The following DOK6 variants were observed in gnomAD, a reference collection of about 807,000 sequenced individuals.
The protein encoded by DOK6 is downstream of tyrosine kinase 6.
In DOK6, 22 loss-of-function variants were observed where a neutral mutation model predicts 44.0. The ratio of observed to expected loss-of-function variants is 0.50; its 90% CI spans 0.36 to 0.71. DOK6 has a LOEUF of 0.71. DOK6 is among the 30% of genes least tolerant of loss of function. The pLI is 0.00. For synonymous variants in DOK6, 166 were observed against 145.5 expected (o/e 1.14, Z -1.01); for missense variants, 340 against 416.4 (o/e 0.82, Z 1.60).
At chr18:69,708,299 T>G (rs910489944) in intron 5 of DOK6, among the ~76,000 whole-genome samples, 1 of 152,154 alleles carries the variant, frequency 6.6e-6, no homozygotes, top group Non-Finnish European at 1.5e-5. Flanking sequence ...GTCTGAGCAA[T>G]CGTGGTTTGA....
chr18:69,446,388 A>G (rs979585273), intron 1 of DOK6, among the ~76,000 whole-genome samples: 15 of 151,828 alleles, frequency 9.9e-5, no homozygotes, highest in Non-Finnish European at 2.9e-5. Flanking sequence ...ACATGAACTC[A>G]TCGTTTTTTA....
chr18:69,640,131 G>A (rs537959394), intron 3 of DOK6, among the ~76,000 whole-genome samples: 1 of 152,324 alleles, frequency 6.6e-6, no homozygotes, highest in Admixed American at 6.5e-5. Context: ...AAAGGCTTGC[G>A]ATGTCTCCAC....
At chr18:69,701,189 A>G (rs866139897) in intron 5 of DOK6, among the ~76,000 whole-genome samples, 2 of 152,248 alleles carry the variant, frequency 1.3e-5, no homozygotes, top group Non-Finnish European at 2.9e-5. Context: ...ATTATATGCC[A>G]TAAGTCTCAA....
chr18:69,656,048 C>T (rs908244550), intron 3 of DOK6, among the ~76,000 whole-genome samples: 1 of 151,664 alleles, frequency 6.6e-6, no homozygotes, highest in Non-Finnish European at 1.5e-5. Flanking sequence ...CAAGTAGACA[C>T]ATAATGGTTT....
chr18:69,666,879 G>C (rs1985672859), intron 3 of DOK6, among the ~76,000 whole-genome samples: 1 of 152,194 alleles, frequency 6.6e-6, no homozygotes, highest in African/African-American at 2.4e-5. Flanking sequence ...ACTCAAGGGA[G>C]CTTTCCTCTG....
chr18:69,542,283 G>A (rs1982290035), intron 1 of DOK6, among the ~76,000 whole-genome samples: 1 of 143,080 alleles, frequency 7.0e-6, no homozygotes, highest in African/African-American at 2.4e-5. Flanking sequence ...CTGCCTGACC[G>A]ACCCATTTTG....
intron 6 of DOK6, among the ~76,000 whole-genome samples, chr18:69,751,292 A>T (rs1375228889): frequency 6.6e-6 from 1 of 151,770 alleles, no homozygotes; most frequent in Non-Finnish European, 1.5e-5. Flanking sequence ...ATTAATGGTT[A>T]TGTTAATTAG....
At chr18:69,459,751 CAAAAG>C (rs1979736444) in intron 1 of DOK6, among the ~76,000 whole-genome samples, 1 of 152,040 alleles carries the variant, frequency 6.6e-6, no homozygotes, top group African/African-American at 2.4e-5. Flanking sequence ...GGGAAAAACT[CAAAAG>C]AAATGCGAAA....
At chr18:69,659,982 A>G (rs1336999686) in intron 3 of DOK6, 1 of 137,200 alleles carries the variant, frequency 7.3e-6, no homozygotes, top group African/African-American at 2.6e-5. Flanking sequence ...ATATGTATAT[A>G]AAGAAAATCA....
intron 7 of DOK6, among the ~76,000 whole-genome samples, chr18:69,824,291 C>T (rs530284153): frequency 4.9e-5 from 7 of 143,848 alleles, no homozygotes; most frequent in Non-Finnish European, 6.0e-5. Flanking sequence ...TGAGAACATG[C>T]GGTGTTTGGT....
At chr18:69,427,954 T>A (rs1978690122) in intron 1 of DOK6, among the ~76,000 whole-genome samples, 1 of 152,034 alleles carries the variant, frequency 6.6e-6, no homozygotes, top group Non-Finnish European at 1.5e-5. Flanking sequence ...ATTTTTGTAT[T>A]TTTAGTAAAG....
At chr18:69,435,082 G>GGAAGGAAGGAAA (rs1978937584) in intron 1 of DOK6, among the ~76,000 whole-genome samples, 1 of 143,678 alleles carries the variant, frequency 7.0e-6, no homozygotes, top group African/African-American at 2.6e-5. Flanking sequence ...AAGGAAGGAA[G>GGAAGGAAGGAAA]GAAGGAAGGA....
chr18:69,759,887 ATTAC>A (rs779532667), intron 7 of DOK6, among the ~76,000 whole-genome samples: 25 of 152,178 alleles, frequency 1.6e-4, no homozygotes, highest in Non-Finnish European at 3.1e-4. Flanking sequence ...GACTAAGGTA[ATTAC>A]TTAAGTCAAA....
intron 3 of DOK6, among the ~76,000 whole-genome samples, chr18:69,614,126 A>C (rs1208894125): frequency 6.6e-6 from 1 of 152,072 alleles, no homozygotes; most frequent in Non-Finnish European, 1.5e-5. Context: ...ATCATTTACT[A>C]AAGTAACACC....
chr18:69,577,568 A>G (rs948303170), intron 2 of DOK6, among the ~76,000 whole-genome samples: 5 of 152,138 alleles, frequency 3.3e-5, no homozygotes, highest in African/African-American at 7.2e-5. Context: ...ATATTACCAC[A>G]TGCAGGTGTC....
At chr18:69,444,643 CCT>C (rs1491147067) in intron 1 of DOK6, among the ~76,000 whole-genome samples, 1 of 112,818 alleles carries the variant, frequency 8.9e-6, no homozygotes, top group African/African-American at 3.5e-5. Flanking sequence ...ATAAAATCAA[CCT>C]TTTTTTTTTT....
chr18:69,604,788 G>C (rs977270531), intron 3 of DOK6, among the ~76,000 whole-genome samples: 1 of 152,070 alleles, frequency 6.6e-6, no homozygotes, highest in Non-Finnish European at 1.5e-5. Flanking sequence ...CATCCTCCAA[G>C]AAAATGCTGT....
chr18:69,448,381 T>C (rs1979357524), intron 1 of DOK6, among the ~76,000 whole-genome samples: 1 of 152,140 alleles, frequency 6.6e-6, no homozygotes, highest in African/African-American at 2.4e-5. Context: ...ATTTTTACTT[T>C]TATTTTTGAG....
chr18:69,625,553 A>T (rs1984539697), intron 3 of DOK6, among the ~76,000 whole-genome samples: 3 of 152,226 alleles, frequency 2.0e-5, no homozygotes, highest in Non-Finnish European at 2.9e-5. Flanking sequence ...ATATAAGGTC[A>T]GATGCTCACA....
Sources: allele counts gnomAD v4.1 joint callset (sites outside exome capture counted in the v4.1 genomes callset), GRCh38; gene constraint gnomAD v4.1.1; transcripts MANE v1.5; gene names NCBI Gene and HGNC (gene_info 2026-07-23, HGNC 2026-07-21).